The following ZNF331 variants were observed in gnomAD, a reference collection of about 807,000 sequenced individuals.
The protein encoded by ZNF331 is zinc finger protein 331.
Under a neutral mutation model 7.0 loss-of-function variants are expected in ZNF331, and 2 were observed. That is an observed-to-expected ratio of 0.29 (90% confidence interval 0.12 to 0.90). The LOEUF is 0.90. ZNF331 is among the 40% of genes least tolerant of loss of function. The probability of loss-of-function intolerance (pLI) is 0.58; values close to 1 mark genes in which losing one functional copy is unlikely to be tolerated. For missense variants in ZNF331, 432 were observed against 587.7 expected (o/e 0.74, Z 2.74); for synonymous variants, 196 against 205.4 (o/e 0.95, Z 0.39).
At chr19:53,523,013 T>C (rs1422319090) in intron 2 of ZNF331, among the ~76,000 whole-genome samples, 2 of 152,190 alleles carry the variant, frequency 1.3e-5, no homozygotes, top group African/African-American at 4.8e-5. Context: ...TTTATTATTG[T>C]AGTTATTTTT....
At position 53,579,473 on chromosome 19, in the gene ZNF331, G is replaced by T; in HGVS notation, c.*1521G>T. 4.8e-6 allele frequency: 1 copy of T among 209,798 alleles called. No individual in the cohort carries two copies. The allele number at this position is 209,798 out of a possible 1,614,324, so 13.0% of individuals were successfully genotyped here. On this transcript the variant is annotated 3_prime_UTR_variant, in exon 6 of 6. Transcript: ENST00000449416. The stretch of plus-strand genomic sequence containing the variant: ...AGGATAATCACATCTACCTGAGACT[G>T]CTATCATGGAAATTAAATGTTTGGT...
intron 2 of ZNF331, among the ~76,000 whole-genome samples, chr19:53,530,704 A>T (rs2087503642): frequency 6.6e-6 from 1 of 152,160 alleles, no homozygotes; most frequent in South Asian, 2.1e-4. Context: ...CATTTTGGCC[A>T]TTTTTCCAGT....
chr19:53,567,015 A>G (rs2090191369), intron 3 of ZNF331, among the ~76,000 whole-genome samples: 2 of 151,848 alleles, frequency 1.3e-5, no homozygotes, highest in Non-Finnish European at 2.9e-5. Flanking sequence ...GTGTATTTTT[A>G]TATATGGAAT....
intron 4 of ZNF331, among the ~76,000 whole-genome samples, chr19:53,570,522 C>T (rs1489830931): frequency 6.6e-6 from 1 of 151,998 alleles, no homozygotes; most frequent in East Asian, 1.9e-4. Flanking sequence ...TTCAAACATG[C>T]AAACCGTATT....
intron 2 of ZNF331, among the ~76,000 whole-genome samples, chr19:53,523,807 C>A (rs2087184533): frequency 6.6e-6 from 1 of 151,862 alleles, no homozygotes; most frequent in South Asian, 2.1e-4. Flanking sequence ...GGTACATGTG[C>A]ACAATATGCA....
At chr19:53,540,524 C>A (rs1436990083) in intron 2 of ZNF331, among the ~76,000 whole-genome samples, 1 of 152,156 alleles carries the variant, frequency 6.6e-6, no homozygotes, top group Non-Finnish European at 1.5e-5. Context: ...CCTCCACCTC[C>A]CAGATTCAAG....
At chr19:53,526,614 G>A (rs1474022453) in intron 2 of ZNF331, among the ~76,000 whole-genome samples, 1 of 150,774 alleles carries the variant, frequency 6.6e-6, no homozygotes, top group Non-Finnish European at 1.5e-5. Flanking sequence ...GTGCAGTGGT[G>A]CGATCTTGGC....
At chr19:53,566,899 C>T (rs529603187) in intron 3 of ZNF331, among the ~76,000 whole-genome samples, 3 of 152,036 alleles carry the variant, frequency 2.0e-5, no homozygotes, top group East Asian at 1.9e-4. Flanking sequence ...GGTTTGTCAG[C>T]GTGTATGGTT....
At chr19:53,523,995 T>A (rs1330752697) in intron 2 of ZNF331, among the ~76,000 whole-genome samples, 1 of 152,210 alleles carries the variant, frequency 6.6e-6, no homozygotes, top group African/African-American at 2.4e-5. Context: ...TTCCCACCTA[T>A]GAGTGAGAAC....
Position 53,571,776 on chromosome 19 carries a change from C to A in ZNF331, c.136+46C>A. 1.9e-6 allele frequency: 3 copies of A among 1,550,840 alleles called. No homozygotes were observed. The highest frequency in any genetic ancestry group is 2.1e-5 in the Admixed American group (1 of 48,146). On this transcript the variant is annotated intron_variant, in intron 5 of 5. Coordinates refer to ENST00000449416, the MANE Select transcript of ZNF331 (RefSeq NM_001079906.2). The surrounding 1 kb of genome is among the most constrained non-coding windows in gnomAD (Gnocchi z 4.7). ...AACTTAGACTGCCTCCTGGAATATC[C>A]GCTCTCCCCTGTGAATTTCAGGACC...
At chr19:53,520,988 T>G (rs2087051149), upstream of ZNF331, 1 of 152,288 alleles carries the variant, frequency 6.6e-6, no homozygotes, top group South Asian at 2.1e-4. Flanking sequence ...GCGTCGAAGC[T>G]TCTCTGGTTT....
upstream of ZNF331, among the ~76,000 whole-genome samples, chr19:53,518,108 C>T (rs182761697): frequency 3.3e-5 from 5 of 152,308 alleles, no homozygotes; most frequent in Admixed American, 2.6e-4. Flanking sequence ...TAGGTGGACA[C>T]CATGCAATTG....
chr19:53,532,967 CTT>C (rs2087599411), intron 2 of ZNF331, among the ~76,000 whole-genome samples: 1 of 152,018 alleles, frequency 6.6e-6, no homozygotes, highest in African/African-American at 2.4e-5. Context: ...AAAATCAACT[CTT>C]AGTTTCATTA....
At chr19:53,529,108 A>G (rs1197910270) in intron 2 of ZNF331, among the ~76,000 whole-genome samples, 1 of 152,114 alleles carries the variant, frequency 6.6e-6, no homozygotes, top group Non-Finnish European at 1.5e-5. Flanking sequence ...TTTTTTTAAA[A>G]TTATTCTCTG....
intron 2 of ZNF331, among the ~76,000 whole-genome samples, chr19:53,531,779 G>T (rs2087549574): frequency 6.6e-6 from 1 of 151,822 alleles, no homozygotes; most frequent in African/African-American, 2.4e-5. Context: ...TTTTCCACTT[G>T]CTTTGTGTGC....
the ZNF331 span, among the ~76,000 whole-genome samples, chr19:53,505,681 G>A: frequency 6.6e-6 from 1 of 152,184 alleles, no homozygotes; most frequent in Non-Finnish European, 1.5e-5. Context: ...ATGCTGGATG[G>A]TGCAATGCTA....
In ZNF331 at chr19:53,578,584, TGTA is replaced by T. The variant is rs1394562999; in HGVS notation, c.*636_*638del. ...TTAGATATGTATGTACAGGAAAAAATGTAGTATATAGTATCGTATATATGTACA... is the reference window on the plus strand; with the variant it reads ...TTAGATATGTATGTACAGGAAAAAATGTATATAGTATCGTATATATGTACA... On this transcript the variant is annotated 3_prime_UTR_variant, in exon 6 of 6. Transcript: ENST00000449416. 4 of 210,548 alleles carry T rather than the reference TGTA, an allele frequency of 1.9e-5. No individual in the cohort carries two copies. Among genetic ancestry groups the T allele is most frequent in the African/African-American group, 6.8e-5 (3 of 43,946 alleles). 13.0% of individuals were successfully genotyped at this position (210,548 alleles called of 1,614,324 possible).
intron 2 of ZNF331, among the ~76,000 whole-genome samples, chr19:53,548,712 T>A (rs1342512348): frequency 6.6e-6 from 1 of 152,214 alleles, no homozygotes; most frequent in Admixed American, 6.5e-5. Flanking sequence ...GATGATCTGG[T>A]GTGATAGCTA....
chr19:53,529,774 G>C (rs1210462056), intron 2 of ZNF331, among the ~76,000 whole-genome samples: 1 of 152,142 alleles, frequency 6.6e-6, no homozygotes, highest in Non-Finnish European at 1.5e-5. Context: ...ATAACTAAAA[G>C]GACACAGCTG....
Sources: gnomAD v4.1 joint callset for allele counts (sites outside exome capture counted in the v4.1 genomes callset) on GRCh38, gnomAD v4.1.1 for gene constraint, Gnocchi (gnomAD v3.1) non-coding constraint, MANE v1.5 for transcripts, NCBI Gene and HGNC (gene_info 2026-07-23, HGNC 2026-07-21) for gene names.